DGKG: variants seen among roughly 807,000 people sequenced by gnomAD.
DGKG encodes DAG kinase gamma.
A neutral mutation model predicts 105.3 loss-of-function variants in DGKG; 78 were observed. That is an observed-to-expected ratio of 0.74 (90% CI 0.62 to 0.89). DGKG has a LOEUF of 0.89. Ranked by LOEUF, DGKG falls within the 40% of genes least tolerant of loss-of-function variation. The pLI is 0.00. For synonymous variants in DGKG, 346 were observed against 367.1 expected, an observed-to-expected ratio of 0.94 and a Z score of 0.66; for missense variants, 958 against 1,020.1, an observed-to-expected ratio of 0.94 and a Z score of 0.83.
At chr3:186,223,011 C>CTATATATGTATATATATATATATATATA (rs1719666440) in intron 20 of DGKG, among the ~76,000 whole-genome samples, 1 of 80,524 alleles carries the variant, frequency 1.2e-5, no homozygotes, top group Non-Finnish European at 2.6e-5. Context: ...TGTATGTATA[C>CTATATATGTATATATATATATATATATA]TATATATATA....
chr3:186,169,984 G>A (rs1578615906), intron 22 of DGKG, among the ~76,000 whole-genome samples: 1 of 152,274 alleles, frequency 6.6e-6, no homozygotes, highest in African/African-American at 2.4e-5. Flanking sequence ...TGAAAGAGAG[G>A]GTTGGGGAGA....
intron 1 of DGKG, among the ~76,000 whole-genome samples, chr3:186,335,159 C>T (rs1725771792): frequency 6.6e-6 from 1 of 152,132 alleles, no homozygotes. Flanking sequence ...GCAACCTTCG[C>T]CTCCTGGATT....
At chr3:186,187,327 T>C (rs1717690313) in intron 22 of DGKG, among the ~76,000 whole-genome samples, 1 of 152,210 alleles carries the variant, frequency 6.6e-6, no homozygotes, top group South Asian at 2.1e-4. Context: ...ATCCTGGATG[T>C]TTTTTAAAAG....
chr3:186,310,291 C>CAAAAAAAA (rs1724476497), intron 2 of DGKG, among the ~76,000 whole-genome samples: 10 of 56,798 alleles, frequency 1.8e-4, no homozygotes, highest in Non-Finnish European at 2.9e-4. Context: ...AAAAAAAAAC[C>CAAAAAAAA]ACACACACAC....
At chr3:186,312,549 A>AGGAACATACTCAAT (rs1481996898) in intron 2 of DGKG, among the ~76,000 whole-genome samples, 2 of 152,222 alleles carry the variant, frequency 1.3e-5, no homozygotes, top group Non-Finnish European at 2.9e-5. Context: ...CCGAGGACAA[A>AGGAACATACTCAAT]GGAACATACT....
At chr3:186,194,718 C>T (rs1718088046) in intron 21 of DGKG, among the ~76,000 whole-genome samples, 2 of 147,336 alleles carry the variant, frequency 1.4e-5, no homozygotes, top group African/African-American at 5.0e-5. Flanking sequence ...TGTCCCCTTT[C>T]TGCTGGGAAT....
chr3:186,155,420 C>T (rs1314678436), intron 24 of DGKG, among the ~76,000 whole-genome samples: 1 of 152,180 alleles, frequency 6.6e-6, no homozygotes, highest in Admixed American at 6.5e-5. Flanking sequence ...TCTTGAACTC[C>T]TGACCTCGTG....
At chr3:186,306,191 G>T (rs1265549348) in intron 3 of DGKG, among the ~76,000 whole-genome samples, 1 of 152,172 alleles carries the variant, frequency 6.6e-6, no homozygotes, top group Non-Finnish European at 1.5e-5. Context: ...AGAGAATTTG[G>T]AGGCAATGAG....
chr3:186,192,847 C>T (rs1288117123), intron 21 of DGKG, among the ~76,000 whole-genome samples: 1 of 152,138 alleles, frequency 6.6e-6, no homozygotes, highest in African/African-American at 2.4e-5. Context: ...TTATATCTTG[C>T]CTCCGCACCA....
chr3:186,332,966 T>C (rs549584459), intron 1 of DGKG, among the ~76,000 whole-genome samples: 20 of 152,242 alleles, frequency 1.3e-4, no homozygotes, highest in African/African-American at 4.6e-4. Context: ...CTGTACCACC[T>C]TGGGACTCTA....
intron 21 of DGKG, 77 bp from the exon 22 acceptor site, chr3:186,188,456 G>T: frequency 7.4e-7 from 1 of 1,343,786 alleles, no homozygotes; most frequent in South Asian, 1.3e-5. Flanking sequence ...GTGTGTGCGT[G>T]CGTGTGTGTG....
At chr3:186,217,101 C>T (rs1171422142) in intron 20 of DGKG, among the ~76,000 whole-genome samples, 2 of 152,182 alleles carry the variant, frequency 1.3e-5, no homozygotes, top group African/African-American at 4.8e-5. Context: ...GACACAATCA[C>T]TGGAAGAAGA....
At chr3:186,340,596 T>G (rs995542098) in intron 1 of DGKG, among the ~76,000 whole-genome samples, 1 of 152,234 alleles carries the variant, frequency 6.6e-6, no homozygotes, top group African/African-American at 2.4e-5. Flanking sequence ...CTGTTGCTGA[T>G]GGAATCACAT....
chr3:186,276,738 C>A (rs544533014), intron 9 of DGKG, among the ~76,000 whole-genome samples: 1 of 152,316 alleles, frequency 6.6e-6, no homozygotes, highest in South Asian at 2.1e-4. Flanking sequence ...CATGTGCTAT[C>A]CCTGAACTTT....
intron 19 of DGKG, among the ~76,000 whole-genome samples, 179 bp downstream of exon 19, chr3:186,251,580 C>T (rs1037597527): frequency 3.9e-5 from 6 of 152,000 alleles, no homozygotes; most frequent in East Asian, 1.9e-4. Context: ...GGGAATAAAG[C>T]GGGGGTGCAA....
chr3:186,263,488 A>G (rs1721886387), intron 14 of DGKG, among the ~76,000 whole-genome samples: 1 of 151,810 alleles, frequency 6.6e-6, no homozygotes, highest in Non-Finnish European at 1.5e-5. Context: ...AATCGCTTGA[A>G]CCCGGGAGGC....
rs771549451 is a variant in DGKG at position 186,164,913 on chromosome 3, G to A, written c.2201C>T (p.Ala734Val). 1.2e-6 allele frequency: 2 copies of A among 1,613,246 alleles called. No individual in the cohort carries two copies. Among genetic ancestry groups the A allele is most frequent in the Non-Finnish European group, 1.7e-6 (2 of 1,179,652 alleles). Reference sequence around the variant, plus strand: ...AGAGGCATACCTGATGGTGACAGAGGCGCACTGGGCCAGCCTCCTGCCTGC... The same window carrying A: ...AGAGGCATACCTGATGGTGACAGAGACGCACTGGGCCAGCCTCCTGCCTGC... ...KSAGRRLAQC[A>V]SVTIRTNKLL... Residue 734 changes from alanine to valine, a missense_variant, in exon 23 of 25, where the codon GCC becomes GTC. Ala to Val is a moderately conservative substitution (Grantham distance 64). Coordinates refer to ENST00000265022, the MANE Select transcript of DGKG (RefSeq NM_001346.3).
chr3:186,355,708 C>T (rs1044644024), intron 1 of DGKG, among the ~76,000 whole-genome samples: 2 of 151,886 alleles, frequency 1.3e-5, no homozygotes, highest in Admixed American at 6.6e-5. Flanking sequence ...ATCACCAGCA[C>T]CAGCACCAGC....
At position 186,150,145 on chromosome 3, in the gene DGKG, G is replaced by A. The variant is rs1300697736; in HGVS notation, c.2321C>T (p.Pro774Leu). ...HKNQAPMMMG[P>L]PQKSSFFSLR... is the part of the protein sequence containing the mutation. Reference sequence around the variant, plus strand: ...CGAGAAGAAGCTGCTCTTCTGGGGAGGCCCCATCATCATGGGCGCTTGGTT... The same window carrying A: ...CGAGAAGAAGCTGCTCTTCTGGGGAAGCCCCATCATCATGGGCGCTTGGTT... Residue 774 changes from proline (P) to leucine (L), a missense_variant, in exon 25 of 25, where the codon CCT becomes CTT. Coordinates refer to ENST00000265022, the MANE Select transcript of DGKG (RefSeq NM_001346.3). The A allele has an allele frequency of 6.2e-7, 1 of 1,613,540 alleles. No individual in the cohort carries two copies. Among genetic ancestry groups the A allele is most frequent in the African/African-American group, 1.3e-5 (1 of 74,898 alleles).
Sources: gnomAD v4.1 joint callset for allele counts (sites outside exome capture counted in the v4.1 genomes callset) on GRCh38, gnomAD v4.1.1 for gene constraint, MANE v1.5 for transcripts, NCBI Gene and HGNC (gene_info 2026-07-23, HGNC 2026-07-21) for gene names.